ITSN2: variants seen among roughly 807,000 people sequenced by gnomAD.
The protein encoded by ITSN2 is intersectin 2.
In ITSN2, 156 loss-of-function variants were observed where a neutral mutation model predicts 243.7. The ratio of observed to expected loss-of-function variants is 0.64; its 90% confidence interval spans 0.56 to 0.73. The LOEUF (loss-of-function observed/expected upper bound fraction) is 0.73. Ranked by LOEUF, ITSN2 falls within the 30% of genes least tolerant of loss-of-function variation. The pLI is 0.00. For synonymous variants in ITSN2, 703 were observed against 699.9 expected, an observed-to-expected ratio of 1.00 and a Z score of -0.07; for missense variants, 1,801 against 1,996.1, an observed-to-expected ratio of 0.90 and a Z score of 1.86.
chr2:24,313,379 A>C (rs1339453881), intron 4 of ITSN2, 81 bp downstream of exon 4: 3 of 1,195,054 alleles, frequency 2.5e-6, no homozygotes, highest in Non-Finnish European at 3.6e-6. Flanking sequence ...GAATGCAACT[A>C]AAAACAATTT....
intron 29 of ITSN2, among the ~76,000 whole-genome samples, chr2:24,235,728 A>C (rs192513917): frequency 3.3e-5 from 5 of 152,370 alleles, no homozygotes; most frequent in Admixed American, 2.0e-4. Context: ...TCTCCAAAGG[A>C]GGTATACAAA....
At chr2:24,288,385 T>C (rs1679791643) in intron 15 of ITSN2, among the ~76,000 whole-genome samples, 1 of 152,108 alleles carries the variant, frequency 6.6e-6, no homozygotes. Flanking sequence ...TGTCTTGTAA[T>C]TGACAAAAAA....
intron 3 of ITSN2, among the ~76,000 whole-genome samples, chr2:24,314,174 A>T (rs1030757180): frequency 6.6e-6 from 1 of 152,206 alleles, no homozygotes; most frequent in Non-Finnish European, 1.5e-5. Context: ...GGAACACTAA[A>T]GGAAACAGAA....
At chr2:24,315,422 G>A (rs150124399) in intron 2 of ITSN2, among the ~76,000 whole-genome samples, 198 bp from the exon 3 acceptor site, 113 of 152,258 alleles carry the variant, frequency 7.4e-4, no homozygotes, top group Admixed American at 6.1e-3. Context: ...AACGTCTATT[G>A]AACAAGTGCT....
At chr2:24,313,317 C>T (rs1574275945) in intron 4 of ITSN2, 143 bp downstream of exon 4, 1 of 566,952 alleles carries the variant, frequency 1.8e-6, no homozygotes, top group East Asian at 3.3e-5. Flanking sequence ...TCAAGCAATC[C>T]TCCTACCTCA....
chr2:24,312,756 G>A (rs923137926), intron 4 of ITSN2, among the ~76,000 whole-genome samples: 1 of 152,082 alleles, frequency 6.6e-6, no homozygotes, highest in Admixed American at 6.5e-5. Context: ...AATATTCCAA[G>A]TGGAAAGATG....
At chr2:24,207,249 C>T (rs113165995) in intron 37 of ITSN2, among the ~76,000 whole-genome samples, 1 of 152,072 alleles carries the variant, frequency 6.6e-6, no homozygotes, top group African/African-American at 2.4e-5. Context: ...GATCGGGGGC[C>T]TGTGATACGG....
At chr2:24,337,331 T>C (rs10206663) in intron 1 of ITSN2, among the ~76,000 whole-genome samples, 436 of 2,930 alleles carry the variant, frequency 0.15, 24 homozygotes, top group Middle Eastern at 0.33. Context: ...TATATATATA[T>C]ATATATATAT....
chr2:24,299,791 A>C, intron 12 of ITSN2, 118 bp downstream of exon 12: 1 of 799,666 alleles, frequency 1.3e-6, no homozygotes, highest in Non-Finnish European at 2.0e-6. Context: ...TAAGAATGAA[A>C]TGATGCAGAG....
intron 1 of ITSN2, among the ~76,000 whole-genome samples, chr2:24,357,818 G>A (rs926139702): frequency 7.2e-5 from 11 of 152,186 alleles, no homozygotes; most frequent in Non-Finnish European, 7.3e-5. Flanking sequence ...TGTTTTACAA[G>A]TAAATACAAT....
chr2:24,302,134 A>AAAATAGACTTTATT, intron 9 of ITSN2, 32 bp from the exon 10 acceptor site: 1 of 1,547,576 alleles, frequency 6.5e-7, no homozygotes. Flanking sequence ...ACAACTTAAT[A>AAAATAGACTTTATT]AAGTCTATTT....
At chr2:24,261,461 C>A in intron 21 of ITSN2, 100 bp downstream of exon 21, 1 of 1,055,950 alleles carries the variant, frequency 9.5e-7, no homozygotes, top group East Asian at 2.4e-5. Context: ...GAGTACAACC[C>A]GGATTACACT....
At chr2:24,293,904 T>C in intron 14 of ITSN2, 129 bp from the exon 15 acceptor site, 1 of 386,834 alleles carries the variant, frequency 2.6e-6, no homozygotes, top group Non-Finnish European at 4.7e-6. Flanking sequence ...AGTTGTAAAC[T>C]GCTTACAACT....
chr2:24,294,345 G>A (rs1031006142), intron 14 of ITSN2, among the ~76,000 whole-genome samples: 1 of 152,236 alleles, frequency 6.6e-6, no homozygotes, highest in South Asian at 2.1e-4. Flanking sequence ...AGAATTGCTT[G>A]AGCCTGGGAG....
chr2:24,220,344 G>A, intron 30 of ITSN2: 1 of 985,380 alleles, frequency 1.0e-6, no homozygotes, highest in Non-Finnish European at 1.2e-6. Context: ...GTCTTCTTTT[G>A]TTCACTCAAG....
At chr2:24,321,682 G>A (rs1014956998) in intron 2 of ITSN2, 13 of 152,086 alleles carry the variant, frequency 8.5e-5, no homozygotes, top group Middle Eastern at 6.3e-3. Flanking sequence ...CAGGATTCCT[G>A]TCACTAGGAA....
intron 29 of ITSN2, among the ~76,000 whole-genome samples, chr2:24,233,829 T>C (rs1671857412): frequency 6.6e-6 from 1 of 152,212 alleles, no homozygotes; most frequent in Admixed American, 6.5e-5. Context: ...ATCCTCCCAC[T>C]ATACTTCCCA....
chr2:24,241,063 A>G (rs1672676153), intron 29 of ITSN2: 1 of 152,172 alleles, frequency 6.6e-6, no homozygotes, highest in East Asian at 1.9e-4. Context: ...AACACAGAGG[A>G]ATGCCAGGTG....
intron 1 of ITSN2, among the ~76,000 whole-genome samples, chr2:24,347,877 AG>A (rs1467160575): frequency 6.6e-6 from 1 of 152,126 alleles, no homozygotes; most frequent in African/African-American, 2.4e-5. Flanking sequence ...GTTCAAGACC[AG>A]CCTAGGAACA....
Sources: allele counts gnomAD v4.1 joint callset (sites outside exome capture counted in the v4.1 genomes callset), GRCh38; gene constraint gnomAD v4.1.1; transcripts MANE v1.5; gene names NCBI Gene and HGNC (gene_info 2026-07-23, HGNC 2026-07-21).